Variants in KCNIP4 observed in about 807,000 individuals in gnomAD.
KCNIP4 encodes potassium voltage-gated channel interacting protein 4.
KCNIP4 carries 12 observed loss-of-function variants against 34.0 expected under a neutral mutation model. The observed-to-expected ratio is 0.35, with a 90% CI of 0.23 to 0.57. The LOEUF is 0.57. Ranked by LOEUF, KCNIP4 falls within the 20% of genes least tolerant of loss-of-function variation. KCNIP4 has a pLI of 0.83. For synonymous variants in KCNIP4, 124 were observed against 102.2 expected (o/e 1.21, Z -1.29); for missense variants, 238 against 311.7 (o/e 0.76, Z 1.78).
At chr4:21,336,115 T>G (rs1341118394) in intron 1 of KCNIP4, among the ~76,000 whole-genome samples, 15 of 152,170 alleles carry the variant, frequency 9.9e-5, no homozygotes, top group Non-Finnish European at 1.5e-5. Context: ...TATTTATCAG[T>G]TTGCTGGATT....
At chr4:21,292,001 T>A (rs1271828643) in intron 1 of KCNIP4, among the ~76,000 whole-genome samples, 1 of 151,572 alleles carries the variant, frequency 6.6e-6, no homozygotes, top group Non-Finnish European at 1.5e-5. Flanking sequence ...AAGTAGAAAA[T>A]TCCGTCTATG....
intron 1 of KCNIP4, among the ~76,000 whole-genome samples, chr4:21,228,268 G>T (rs930116536): frequency 9.9e-5 from 15 of 152,044 alleles, no homozygotes; most frequent in African/African-American, 3.4e-4. Context: ...AAGATCTGAT[G>T]GTTTAAAAAT....
chr4:21,035,429 T>C (rs781302367), intron 1 of KCNIP4, among the ~76,000 whole-genome samples: 12 of 152,248 alleles, frequency 7.9e-5, no homozygotes, highest in Non-Finnish European at 1.3e-4. Context: ...AGCTTTGTCC[T>C]ACCACTCCTG....
chr4:21,878,849 A>G (rs962363259), intron 1 of KCNIP4, among the ~76,000 whole-genome samples: 1 of 152,190 alleles, frequency 6.6e-6, no homozygotes, highest in African/African-American at 2.4e-5. Flanking sequence ...TATTAGAATG[A>G]AGTGAGATGA....
At chr4:21,143,370 G>A (rs930188507) in intron 1 of KCNIP4, among the ~76,000 whole-genome samples, 1 of 152,150 alleles carries the variant, frequency 6.6e-6, no homozygotes, top group Non-Finnish European at 1.5e-5. Context: ...GGAGTGGAGA[G>A]TGACCATTGA....
intron 3 of KCNIP4, among the ~76,000 whole-genome samples, chr4:20,843,460 T>C (rs1354442018): frequency 6.6e-6 from 1 of 152,184 alleles, no homozygotes; most frequent in Non-Finnish European, 1.5e-5. Context: ...CCGGGCATAG[T>C]GGCTCATGCT....
At chr4:21,172,295 G>A (rs1167673343) in intron 1 of KCNIP4, among the ~76,000 whole-genome samples, 2 of 152,126 alleles carry the variant, frequency 1.3e-5, no homozygotes, top group African/African-American at 4.8e-5. Flanking sequence ...ACCTCCCAAA[G>A]TGCTGGGATT....
chr4:20,929,267 GA>G (rs1730200307), intron 1 of KCNIP4, among the ~76,000 whole-genome samples: 1 of 151,894 alleles, frequency 6.6e-6, no homozygotes, highest in Non-Finnish European at 1.5e-5. Flanking sequence ...TTAACAGGAT[GA>G]AAGATAAAAA....
intron 1 of KCNIP4, among the ~76,000 whole-genome samples, chr4:21,695,929 G>A (rs574590608): frequency 6.6e-6 from 1 of 151,636 alleles, no homozygotes. Context: ...AAGCTAATAT[G>A]CAGGTAATGT....
intron 1 of KCNIP4, among the ~76,000 whole-genome samples, chr4:21,817,016 T>C (rs1362051296): frequency 6.6e-6 from 1 of 152,192 alleles, no homozygotes; most frequent in East Asian, 1.9e-4. Flanking sequence ...AGTATGTGCT[T>C]GACAGATGTG....
At chr4:21,585,680 G>C (rs1156934883) in intron 1 of KCNIP4, among the ~76,000 whole-genome samples, 1 of 151,982 alleles carries the variant, frequency 6.6e-6, no homozygotes, top group Non-Finnish European at 1.5e-5. Flanking sequence ...AATTATGCTT[G>C]AATATGTGAT....
rs112897415 is a variant in KCNIP4, at chr4:21,727,557, G to A, written c.61+221014C>T. Among the ~76,000 whole-genome samples the A allele has an allele frequency of 8.8e-3, 1,334 of 152,166 alleles. 19 individuals are homozygous for A. The highest frequency in any genetic ancestry group is 0.039 in the South Asian group (187 of 4,828). ...AAAATGGTTATTTGTGGCCGGGTGT[G>A]GTGGCTCATGTCTGTAATCCTAGCA... is the stretch of plus-strand genomic sequence containing the variant. On this transcript the variant is annotated intron_variant, in intron 1 of 8. Coordinates refer to ENST00000382152, the MANE Select transcript of KCNIP4 (RefSeq NM_025221.6).
intron 1 of KCNIP4, among the ~76,000 whole-genome samples, chr4:21,381,653 T>A (rs1484231875): frequency 2.0e-5 from 3 of 152,202 alleles, no homozygotes; most frequent in African/African-American, 7.2e-5. Context: ...AAAAGCCAAC[T>A]TGGGCTTCAT....
intron 1 of KCNIP4, among the ~76,000 whole-genome samples, chr4:21,636,874 C>G (rs1366174308): frequency 6.6e-6 from 1 of 152,146 alleles, no homozygotes; most frequent in Non-Finnish European, 1.5e-5. Flanking sequence ...TGAATCCACG[C>G]CATGAATTCA....
chr4:21,239,072 A>C (rs924562698), intron 1 of KCNIP4, among the ~76,000 whole-genome samples: 2 of 152,064 alleles, frequency 1.3e-5, no homozygotes, highest in East Asian at 1.9e-4. Context: ...ATAATGCTGC[A>C]TATCTACAAC....
chr4:21,023,800 T>G (rs185479400), intron 1 of KCNIP4, among the ~76,000 whole-genome samples: 1 of 152,076 alleles, frequency 6.6e-6, no homozygotes, highest in Non-Finnish European at 1.5e-5. Context: ...GAGGATCACT[T>G]GAACCCAGGA....
intron 1 of KCNIP4, among the ~76,000 whole-genome samples, chr4:21,351,180 T>C: frequency 6.6e-6 from 1 of 152,114 alleles, no homozygotes; most frequent in East Asian, 1.9e-4. Context: ...CTGAACTGTG[T>C]TTCCCTCAAA....
intron 1 of KCNIP4, among the ~76,000 whole-genome samples, chr4:21,766,246 A>G (rs1383238894): frequency 1.3e-5 from 2 of 152,190 alleles, no homozygotes; most frequent in Non-Finnish European, 2.9e-5. Context: ...CCTATTTTCC[A>G]TAAGAAGGTA....
intron 1 of KCNIP4, among the ~76,000 whole-genome samples, chr4:21,946,620 T>C (rs1187313771): frequency 6.6e-6 from 1 of 152,220 alleles, no homozygotes; most frequent in Non-Finnish European, 1.5e-5. Flanking sequence ...AATATTAGCT[T>C]TGAAGCAATA....
Sources: allele counts gnomAD v4.1 joint callset (sites outside exome capture counted in the v4.1 genomes callset), GRCh38; gene constraint gnomAD v4.1.1; transcripts MANE v1.5; gene names NCBI Gene and HGNC (gene_info 2026-07-23, HGNC 2026-07-21).